PCDH15: variants seen among roughly 807,000 people sequenced by gnomAD.
The protein encoded by PCDH15 is protocadherin related 15.
PCDH15 carries 129 observed loss-of-function variants against 178.5 expected under a neutral mutation model. The ratio of observed to expected loss-of-function variants is 0.72; its 90% confidence interval spans 0.63 to 0.84. The LOEUF (loss-of-function observed/expected upper bound fraction) is 0.84. Ranked by LOEUF, PCDH15 falls within the 40% of genes least tolerant of loss-of-function variation. The pLI is 0.00. For missense variants in PCDH15, 2,230 were observed against 2,099.9 expected, an observed-to-expected ratio of 1.06 and a Z score of -1.21; for synonymous variants, 800 against 732.0, an observed-to-expected ratio of 1.09 and a Z score of -1.50.
chr10:53,859,823 G>C (rs1373530776), intron 27 of PCDH15, among the ~76,000 whole-genome samples: 1 of 152,068 alleles, frequency 6.6e-6, no homozygotes, highest in Non-Finnish European at 1.5e-5. Flanking sequence ...AAACAAAAGT[G>C]GGAAAGGAAC....
chr10:54,436,002 A>AAGAGGAGAGG lies in PCDH15; in HGVS notation c.158-57070_158-57061dup, dbSNP rs1174759847. On this transcript the variant is annotated intron_variant, in intron 3 of 37. Coordinates refer to ENST00000644397, the MANE Select transcript of PCDH15 (RefSeq NM_001384140.1). ...TGAAAGAAAGAAAAGAAAAGAAAAG[A>AAGAGGAGAGG]AGAGGAGAGGAGAGGAGAGGAGAGG... 2.7e-4 allele frequency among the ~76,000 whole-genome samples: 35 copies of AAGAGGAGAGG among 127,862 alleles called. No individual in the cohort carries two copies. The East Asian group carries it at 4.0e-3, about 15-fold the overall frequency. The allele number at this position is 127,862 out of a possible 152,430, so 83.9% of individuals were successfully genotyped here. A position where few individuals can be genotyped will look rare whatever the true frequency, so the allele number is the denominator to read the frequency against.
chr10:54,152,057 T>C (rs1278194815), intron 14 of PCDH15, among the ~76,000 whole-genome samples: 1 of 152,206 alleles, frequency 6.6e-6, no homozygotes. Context: ...TGTTCATCAT[T>C]GGATGAATAT....
rs570524204 is a variant in PCDH15 at position 54,252,607 on chromosome 10, A to G, written c.877-15676T>C. On this transcript the variant is annotated intron_variant, in intron 8 of 37. Coordinates refer to ENST00000644397, the MANE Select transcript of PCDH15 (RefSeq NM_001384140.1). ...GAAAGCATGCTGCCATCAGAGCCAG[A>G]ACGACCAAGGTCTTCAAAACTCTTC... Among the ~76,000 whole-genome samples the G allele has an allele frequency of 1.6e-4, 25 of 152,316 alleles. No individual in the cohort carries two copies. The South Asian group carries it at 5.0e-3, about 30-fold the overall frequency.
intron 6 of PCDH15, among the ~76,000 whole-genome samples, chr10:54,344,968 ATATATATATAT>A (rs1942999564): frequency 7.6e-6 from 1 of 131,224 alleles, no homozygotes; most frequent in Non-Finnish European, 1.6e-5. Context: ...AATAAAATGT[ATATATATATAT>A]TATATATATA....
chr10:55,460,295 A>G (rs554249700), intron 2 of PCDH15, among the ~76,000 whole-genome samples: 9 of 151,724 alleles, frequency 5.9e-5, no homozygotes, highest in Non-Finnish European at 1.3e-4. Context: ...GTGTATTGGG[A>G]TGGCTAAAAT....
intron 2 of PCDH15, among the ~76,000 whole-genome samples, chr10:54,987,712 T>C (rs1324745632): frequency 6.6e-6 from 1 of 151,898 alleles, no homozygotes; most frequent in African/African-American, 2.4e-5. Flanking sequence ...TGATGTTTTT[T>C]TTTTTTCTTG....
Position 55,435,631 on chromosome 10 carries a change from T to C in PCDH15, c.-156+191994A>G, listed in dbSNP as rs114808617. Among the ~76,000 whole-genome samples the C allele has an allele frequency of 3.8e-3, 570 of 151,920 alleles. 8 individuals are homozygous for C. Among genetic ancestry groups the C allele is most frequent in the African/African-American group, 0.013 (542 of 41,402 alleles). On this transcript the variant is annotated intron_variant, in intron 2 of 5. Transcript: ENST00000613346. ...TTGCCTCAATTAAATTTTTAAAAAT[T>C]AAGAGTGGAAAATATAAAAGATGGG...
chr10:54,438,468 T>G (rs1291298359), intron 3 of PCDH15, among the ~76,000 whole-genome samples: 1 of 151,960 alleles, frequency 6.6e-6, no homozygotes, highest in Non-Finnish European at 1.5e-5. Flanking sequence ...CTCTTACATC[T>G]TCTGTGGCAT....
At chr10:54,940,218 A>C (rs1324670744) in intron 2 of PCDH15, among the ~76,000 whole-genome samples, 2 of 152,084 alleles carry the variant, frequency 1.3e-5, no homozygotes, top group Non-Finnish European at 2.9e-5. Context: ...GTATCGTATA[A>C]GTTTTATTAT....
intron 11 of PCDH15, among the ~76,000 whole-genome samples, chr10:54,189,883 T>G (rs866493988): frequency 2.1e-4 from 32 of 151,790 alleles, no homozygotes; most frequent in Admixed American, 5.3e-4. Context: ...AAAGGCATAA[T>G]GTATAAACTG....
intron 3 of PCDH15, among the ~76,000 whole-genome samples, chr10:54,469,081 G>A (rs1204272521): frequency 1.3e-5 from 2 of 151,976 alleles, no homozygotes; most frequent in East Asian, 1.9e-4. Context: ...TTGAGACTTT[G>A]TAATTTTTAA....
At chr10:55,426,927 G>T (rs547247913) in intron 2 of PCDH15, among the ~76,000 whole-genome samples, 1 of 152,136 alleles carries the variant, frequency 6.6e-6, no homozygotes, top group East Asian at 1.9e-4. Flanking sequence ...ACACCCACCT[G>T]CTTCTCTTCT....
chr10:54,942,078 C>A (rs1751499172), intron 2 of PCDH15, among the ~76,000 whole-genome samples: 1 of 152,080 alleles, frequency 6.6e-6, no homozygotes, highest in South Asian at 2.1e-4. Flanking sequence ...CAGAATAGGA[C>A]TGATTTTCAG....
chr10:55,177,676 A>T (rs372974471), intron 1 of PCDH15, among the ~76,000 whole-genome samples: 1 of 152,104 alleles, frequency 6.6e-6, no homozygotes, highest in African/African-American at 2.4e-5. Context: ...CTCAAATATC[A>T]AGCTCTGCTA....
chr10:54,731,965 A>G (rs1943465446), intron 1 of PCDH15, among the ~76,000 whole-genome samples: 1 of 151,410 alleles, frequency 6.6e-6, no homozygotes, highest in Admixed American at 6.6e-5. Context: ...TTTCTAGCAT[A>G]AACAATAAAT....
intron 2 of PCDH15, among the ~76,000 whole-genome samples, chr10:55,070,417 A>G (rs1841702779): frequency 6.6e-6 from 1 of 151,964 alleles, no homozygotes; most frequent in Non-Finnish European, 1.5e-5. Context: ...TTTAGGTCTA[A>G]CGTTTAAGTC....
At chr10:53,874,069 T>C (rs2080052678) in intron 26 of PCDH15, among the ~76,000 whole-genome samples, 1 of 152,206 alleles carries the variant, frequency 6.6e-6, no homozygotes, top group Non-Finnish European at 1.5e-5. Context: ...GAAGTCTGAA[T>C]GCAAAAGTAA....
chr10:54,375,918 G>T (rs908460998), intron 4 of PCDH15, among the ~76,000 whole-genome samples: 1 of 147,694 alleles, frequency 6.8e-6, no homozygotes, highest in Non-Finnish European at 1.5e-5. Flanking sequence ...TTTTTGAGAC[G>T]GAGTCACACT....
At chr10:54,698,843 A>AT (rs2095269591) in intron 1 of PCDH15, among the ~76,000 whole-genome samples, 1 of 152,098 alleles carries the variant, frequency 6.6e-6, no homozygotes, top group Non-Finnish European at 1.5e-5. Context: ...AGAAGGCACC[A>AT]TTTTTTAACT....
Sources: gnomAD v4.1 joint callset for allele counts (sites outside exome capture counted in the v4.1 genomes callset) on GRCh38, gnomAD v4.1.1 for gene constraint, MANE v1.5 for transcripts, NCBI Gene and HGNC (gene_info 2026-07-23, HGNC 2026-07-21) for gene names.